The following DLGAP1 variants were observed in gnomAD, a reference collection of about 807,000 sequenced individuals.
DLGAP1 encodes the protein DLG associated protein 1.
DLGAP1 carries 11 observed loss-of-function variants against 90.8 expected under a neutral mutation model. The ratio of observed to expected loss-of-function variants is 0.12; its 90% CI spans 0.08 to 0.20. DLGAP1 has a LOEUF of 0.20. DLGAP1 is among the 10% of genes least tolerant of loss of function. The probability of loss-of-function intolerance (pLI) is 1.00; values close to 1 mark genes in which losing one functional copy is unlikely to be tolerated. For missense variants in DLGAP1, 1,050 were observed against 1,333.8 expected, an observed-to-expected ratio of 0.79 and a Z score of 3.31; for synonymous variants, 558 against 540.7, an observed-to-expected ratio of 1.03 and a Z score of -0.44.
intron 3 of DLGAP1, among the ~76,000 whole-genome samples, chr18:3,930,588 G>A (rs2072494608): frequency 6.6e-6 from 1 of 152,134 alleles, no homozygotes; most frequent in African/African-American, 2.4e-5. Flanking sequence ...CGCTACCCTG[G>A]ACGCCACGGC....
At chr18:3,528,437 C>G (rs1163254703) in intron 10 of DLGAP1, among the ~76,000 whole-genome samples, 6 of 152,164 alleles carry the variant, frequency 3.9e-5, no homozygotes, top group Admixed American at 3.9e-4. Flanking sequence ...TGGTGCTTGC[C>G]AAGGAGTCAG....
intron 7 of DLGAP1, chr18:3,708,448 G>A (rs1327586050): frequency 2.2e-6 from 1 of 456,666 alleles, no homozygotes; most frequent in Non-Finnish European, 4.4e-6. Flanking sequence ...AGGGGTGGAG[G>A]AGTCATGTCT....
chr18:4,023,155 C>T (rs1224132037), intron 2 of DLGAP1, among the ~76,000 whole-genome samples: 16 of 152,196 alleles, frequency 1.1e-4, no homozygotes, highest in Admixed American at 1.0e-3. Context: ...TTAGTATTTT[C>T]CTAATTTTGA....
chr18:4,430,908 G>A (rs1179133280), intron 1 of DLGAP1: 1 of 153,018 alleles, frequency 6.5e-6, no homozygotes, highest in African/African-American at 2.4e-5. Flanking sequence ...CATTGCTCAA[G>A]CATGTTTTCC....
At chr18:4,089,085 A>G (rs1205597420) in intron 2 of DLGAP1, among the ~76,000 whole-genome samples, 1 of 152,238 alleles carries the variant, frequency 6.6e-6, no homozygotes, top group East Asian at 1.9e-4. Context: ...CCTTAAGCTG[A>G]TAAGCAACTT....
chr18:3,744,490 A>C (rs2063185760), intron 5 of DLGAP1, among the ~76,000 whole-genome samples: 1 of 152,204 alleles, frequency 6.6e-6, no homozygotes, highest in South Asian at 2.1e-4. Context: ...TTTCCTGTAA[A>C]AAAACTTAAA....
intron 3 of DLGAP1, among the ~76,000 whole-genome samples, chr18:3,903,803 A>G (rs926977211): frequency 6.6e-6 from 1 of 152,230 alleles, no homozygotes; most frequent in Non-Finnish European, 1.5e-5. Context: ...TCTAACATTT[A>G]ATTTGTTGTT....
chr18:4,171,997 AAAG>A (rs2144592556), intron 1 of DLGAP1, among the ~76,000 whole-genome samples: 1 of 152,342 alleles, frequency 6.6e-6, no homozygotes, highest in Admixed American at 6.5e-5. Context: ...CACTTGAGAT[AAAG>A]AAGATCAGAT....
chr18:4,240,123 A>C (rs1438181164), intron 1 of DLGAP1, among the ~76,000 whole-genome samples: 1 of 152,220 alleles, frequency 6.6e-6, no homozygotes, highest in Non-Finnish European at 1.5e-5. Context: ...ACTGGTTTTC[A>C]GATTCAAATA....
intron 1 of DLGAP1, among the ~76,000 whole-genome samples, chr18:4,185,591 C>A (rs1245658136): frequency 1.3e-5 from 2 of 152,064 alleles, no homozygotes; most frequent in Non-Finnish European, 2.9e-5. Context: ...TGATTTCTTT[C>A]TTTTTTATAG....
chr18:3,540,872 A>C (rs1018839442), intron 9 of DLGAP1, among the ~76,000 whole-genome samples: 1 of 152,202 alleles, frequency 6.6e-6, no homozygotes, highest in African/African-American at 2.4e-5. Context: ...GAAAATAATG[A>C]GAGTGGACGT....
rs376219095 is a variant in DLGAP1, at chr18:4,136,427, C to A, written c.-159+14753G>T. Among the ~76,000 whole-genome samples, 37 of 152,240 alleles carry A rather than the reference C, an allele frequency of 2.4e-4. 3 individuals are homozygous for A. The highest frequency in any genetic ancestry group is 5.9e-4 in the Admixed American group (9 of 15,294). On this transcript the variant is annotated intron_variant, in intron 2 of 12. Coordinates refer to ENST00000315677, the MANE Select transcript of DLGAP1 (RefSeq NM_004746.4). The stretch of plus-strand genomic sequence containing the variant: ...TTATTATCTGTCTTTTGGATAAAAG[C>A]AGTTTTAACTAGGGTAAGATGGTAT...
At chr18:3,708,410 T>C (rs1276703159) in intron 7 of DLGAP1, 1 of 456,530 alleles carries the variant, frequency 2.2e-6, no homozygotes, top group Non-Finnish European at 4.4e-6. Flanking sequence ...TATGGGGTGA[T>C]CTTTACCCAT....
intron 2 of DLGAP1, among the ~76,000 whole-genome samples, chr18:4,121,570 C>T (rs1328729342): frequency 2.6e-5 from 4 of 152,080 alleles, no homozygotes; most frequent in Non-Finnish European, 5.9e-5. Context: ...ATCAAGAATC[C>T]TGTTAGGTCA....
chr18:3,870,485 G>A (rs965061463), intron 4 of DLGAP1, among the ~76,000 whole-genome samples: 7 of 152,072 alleles, frequency 4.6e-5, no homozygotes, highest in Non-Finnish European at 8.8e-5. Flanking sequence ...TATGTATCCT[G>A]CACACTATTC....
At chr18:3,925,162 G>A (rs1301944152) in intron 3 of DLGAP1, among the ~76,000 whole-genome samples, 16 of 151,958 alleles carry the variant, frequency 1.1e-4, no homozygotes, top group African/African-American at 3.4e-4. Context: ...CATGTTGGCC[G>A]GGCTGGTCTC....
chr18:3,737,426 T>C (rs1428268618), intron 6 of DLGAP1, among the ~76,000 whole-genome samples: 4 of 137,850 alleles, frequency 2.9e-5, no homozygotes, highest in East Asian at 2.3e-4. Context: ...TTATCCACCA[T>C]GATCAAGTGG....
At chr18:4,255,789 T>A (rs2145224232) in intron 1 of DLGAP1, among the ~76,000 whole-genome samples, 1 of 152,232 alleles carries the variant, frequency 6.6e-6, no homozygotes, top group East Asian at 1.9e-4. Context: ...AATATAAATT[T>A]AATGTTTTTT....
At chr18:4,450,232 T>C (rs925476406) in intron 1 of DLGAP1, among the ~76,000 whole-genome samples, 6 of 152,168 alleles carry the variant, frequency 3.9e-5, no homozygotes, top group African/African-American at 1.2e-4. Flanking sequence ...CAGGGAAATT[T>C]GCAGTCCAGA....
Sources: allele counts gnomAD v4.1 joint callset (sites outside exome capture counted in the v4.1 genomes callset), GRCh38; gene constraint gnomAD v4.1.1; transcripts MANE v1.5; gene names NCBI Gene and HGNC (gene_info 2026-07-23, HGNC 2026-07-21).